Variants in CNTN6 observed in about 807,000 individuals in gnomAD.
CNTN6 encodes the protein contactin 6, also known as contactin-6.
Under a neutral mutation model 122.8 loss-of-function variants are expected in CNTN6, and 137 were observed. That is an observed-to-expected ratio of 1.12 (90% CI 0.97 to 1.29). CNTN6 has a LOEUF of 1.29. Ranked by LOEUF, CNTN6 falls within the 50% of genes most tolerant of loss-of-function variation. The probability of loss-of-function intolerance (pLI) is 0.00; values close to 1 mark genes in which losing one functional copy is unlikely to be tolerated. For missense variants in CNTN6, 1,634 were observed against 1,223.4 expected (o/e 1.34, Z -5.01); for synonymous variants, 570 against 426.0 (o/e 1.34, Z -4.16).
At chr3:1,286,308 A>G (rs1419098362) in intron 5 of CNTN6, among the ~76,000 whole-genome samples, 3 of 152,132 alleles carry the variant, frequency 2.0e-5, no homozygotes, top group Non-Finnish European at 2.9e-5. Context: ...TCAACCGGCC[A>G]TCTACATTAG....
At chr3:1,182,331 C>T (rs2093566742) in intron 2 of CNTN6, among the ~76,000 whole-genome samples, 1 of 152,154 alleles carries the variant, frequency 6.6e-6, no homozygotes, top group South Asian at 2.1e-4. Flanking sequence ...AGGAGGTACT[C>T]CAGGTAGCTG....
intron 1 of CNTN6, among the ~76,000 whole-genome samples, chr3:1,135,861 G>A (rs1226796802): frequency 1.3e-5 from 2 of 152,070 alleles, no homozygotes; most frequent in Non-Finnish European, 2.9e-5. Context: ...GCACGGTGGT[G>A]AGCGCCTGTA....
chr3:1,369,968 G>A lies in CNTN6; in HGVS notation c.1493-2331G>A, dbSNP rs1030247304. On this transcript the variant is annotated intron_variant, in intron 12 of 22. Transcript: ENST00000446702. ...TCAATTAAATTACAAAACAATACAA[G>A]CTTTTTAAATTCAAAGTCTAAAGTA... 3.3e-5 allele frequency among the ~76,000 whole-genome samples: 5 copies of A among 151,414 alleles called. No homozygotes were observed. The East Asian group carries it at 5.8e-4, about 18-fold the overall frequency.
At chr3:1,294,970 C>A (rs899751823) in intron 5 of CNTN6, among the ~76,000 whole-genome samples, 3 of 152,118 alleles carry the variant, frequency 2.0e-5, no homozygotes, top group African/African-American at 7.2e-5. Flanking sequence ...ATGTAATAAT[C>A]AGGCCAGTGC....
chr3:1,121,910 G>T (rs559039038), intron 1 of CNTN6, among the ~76,000 whole-genome samples: 4 of 151,994 alleles, frequency 2.6e-5, no homozygotes, highest in African/African-American at 9.6e-5. Flanking sequence ...ATAATTAAGT[G>T]CTTGAGAATA....
chr3:1,287,750 G>T (rs1286705299), intron 5 of CNTN6, among the ~76,000 whole-genome samples: 1 of 152,110 alleles, frequency 6.6e-6, no homozygotes, highest in Non-Finnish European at 1.5e-5. Flanking sequence ...GGTGCTAAAA[G>T]ACACTCCCAC....
chr3:1,278,346 ATTC>A lies in CNTN6; in HGVS notation c.359-61_359-59del. On this transcript the variant is annotated intron_variant, in intron 4 of 22. Transcript: ENST00000446702. The stretch of plus-strand genomic sequence containing the variant: ...CCTTAATAATAAAAACATTCTTGAG[ATTC>A]TTCTTTAAAATATTTATTCTGCAAA... 3 of 1,120,304 alleles carry A rather than the reference ATTC, an allele frequency of 2.7e-6. No homozygotes were observed. The South Asian group carries it at 4.6e-5, about 17-fold the overall frequency. 69.4% of individuals were successfully genotyped at this position (1,120,304 alleles called of 1,614,324 possible).
At chr3:1,265,130 T>G (rs933409027) in intron 4 of CNTN6, among the ~76,000 whole-genome samples, 2 of 150,618 alleles carry the variant, frequency 1.3e-5, no homozygotes, top group Admixed American at 6.7e-5. Context: ...CACCTGATGA[T>G]GGACACTTAA....
chr3:1,297,496 T>A (rs1273234081), intron 6 of CNTN6, among the ~76,000 whole-genome samples: 1 of 152,196 alleles, frequency 6.6e-6, no homozygotes, highest in South Asian at 2.1e-4. Flanking sequence ...TGTACTAATA[T>A]GTGAATATTT....
At chr3:1,382,612 T>C (rs1382815666) in intron 17 of CNTN6, among the ~76,000 whole-genome samples, 1 of 152,208 alleles carries the variant, frequency 6.6e-6, no homozygotes, top group Admixed American at 6.5e-5. Flanking sequence ...AGTTTAAAAA[T>C]TCATATCAAA....
At chr3:1,280,411 C>G (rs748451948) in intron 5 of CNTN6, among the ~76,000 whole-genome samples, 102 of 145,238 alleles carry the variant, frequency 7.0e-4, no homozygotes, top group Non-Finnish European at 1.2e-3. Context: ...ACCTTTGTAA[C>G]TGAATAATCT....
intron 5 of CNTN6, among the ~76,000 whole-genome samples, chr3:1,289,235 G>A (rs1694874153): frequency 6.6e-6 from 1 of 152,074 alleles, no homozygotes; most frequent in Non-Finnish European, 1.5e-5. Flanking sequence ...AGTGGCTGAT[G>A]CTGGAACAAA....
chr3:1,234,138 C>T (rs1346099548), intron 4 of CNTN6, among the ~76,000 whole-genome samples: 1 of 152,128 alleles, frequency 6.6e-6, no homozygotes, highest in East Asian at 1.9e-4. Flanking sequence ...TGTTACTTGC[C>T]CAAGGTCAAC....
chr3:1,385,538 ATAG>A, intron 19 of CNTN6, 70 bp from the exon 20 acceptor site: 2 of 1,215,862 alleles, frequency 1.6e-6, no homozygotes, highest in Non-Finnish European at 1.2e-6. Context: ...GTTGTGGTTG[ATAG>A]TTGTTGGTAA....
In CNTN6 at chr3:1,327,493, A is replaced by G. The variant is rs1327169637; in HGVS notation, c.1120A>G (p.Thr374Ala). Reference sequence around the variant, plus strand: ...AATAGAAAATGGGACACTCATCATAACGATGCTGAATGTGTCAGATTCTGG... The same window carrying G: ...AATAGAAAATGGGACACTCATCATAGCGATGCTGAATGTGTCAGATTCTGG... Reference protein sequence around the residue: ...IQIENGTLIITMLNVSDSGVY... With the variant: ...IQIENGTLIIAMLNVSDSGVY... The change falls in exon 10 of 23, where the codon ACG becomes GCG. Residue 374 changes from threonine (T) to alanine (A), a missense_variant. By Grantham distance (58) the Thr-to-Ala change is moderately conservative. Coordinates refer to ENST00000446702, the MANE Select transcript of CNTN6 (RefSeq NM_001289080.2). 1 of 1,610,770 alleles carries G rather than the reference A, an allele frequency of 6.2e-7. No homozygotes were observed. Among genetic ancestry groups the G allele is most frequent in the Admixed American group, 1.7e-5 (1 of 59,738 alleles).
chr3:1,377,466 C>G (rs1446937912), intron 17 of CNTN6, among the ~76,000 whole-genome samples: 1 of 152,136 alleles, frequency 6.6e-6, no homozygotes, highest in Admixed American at 6.6e-5. Flanking sequence ...CTGTTCACCT[C>G]TGATCAACTC....
chr3:1,237,948 A>C (rs1475447211), intron 4 of CNTN6, among the ~76,000 whole-genome samples: 1 of 152,068 alleles, frequency 6.6e-6, no homozygotes, highest in Non-Finnish European at 1.5e-5. Context: ...AACCTCCTTG[A>C]AGCACACATC....
chr3:1,242,219 A>C (rs1173577659), intron 4 of CNTN6, among the ~76,000 whole-genome samples: 1 of 152,174 alleles, frequency 6.6e-6, no homozygotes, highest in Non-Finnish European at 1.5e-5. Flanking sequence ...AATGGGTGTC[A>C]GGGTCAGTCT....
At position 1,112,977 on chromosome 3, in the gene CNTN6, T is replaced by C. The variant is rs539292665; in HGVS notation, c.-83+19857T>C. Among the ~76,000 whole-genome samples, 5 of 152,296 alleles carry C rather than the reference T, an allele frequency of 3.3e-5. No homozygotes were observed. In the South Asian group the frequency reaches 1.0e-3, roughly 32 times the overall value. ...TATAGAATAATGAGTATGGTAATAA[T>C]GGAGCCCCCACTAATTACACTATCA... On this transcript the variant is annotated intron_variant, in intron 1 of 22. Transcript: ENST00000446702.
Sources: allele counts gnomAD v4.1 joint callset (sites outside exome capture counted in the v4.1 genomes callset), GRCh38; gene constraint gnomAD v4.1.1; transcripts MANE v1.5; gene names NCBI Gene and HGNC (gene_info 2026-07-23, HGNC 2026-07-21).